The following DNAH14 variants were observed in gnomAD, a reference collection of about 807,000 sequenced individuals.
The protein encoded by DNAH14 is axonemal beta dynein heavy chain 14.
In DNAH14, 478 loss-of-function variants were observed where a neutral mutation model predicts 520.9. The ratio of observed to expected loss-of-function variants is 0.92; its 90% CI spans 0.85 to 0.99. The LOEUF (loss-of-function observed/expected upper bound fraction) is 0.99. Ranked by LOEUF, DNAH14 falls within the 50% of genes least tolerant of loss-of-function variation. The pLI, the probability that DNAH14 is intolerant of heterozygous loss-of-function variation, is 0.00. For missense variants in DNAH14, 4,831 were observed against 5,234.5 expected (o/e 0.92, Z 2.38); for synonymous variants, 1,581 against 1,757.2 (o/e 0.90, Z 2.51).
intron 4 of DNAH14, among the ~76,000 whole-genome samples, chr1:224,963,893 G>A (rs1343849634): frequency 6.6e-6 from 1 of 152,138 alleles, no homozygotes; most frequent in Non-Finnish European, 1.5e-5. Context: ...TAGAGGGCCA[G>A]AAATATAACT....
At chr1:225,005,069 A>G (rs1489818252) in intron 9 of DNAH14, among the ~76,000 whole-genome samples, 1 of 152,182 alleles carries the variant, frequency 6.6e-6, no homozygotes, top group Non-Finnish European at 1.5e-5. Context: ...GATTTCTCCC[A>G]GCTAGATTCT....
At chr1:225,382,559 A>AT (rs1376688372) in intron 81 of DNAH14, among the ~76,000 whole-genome samples, 1 of 151,906 alleles carries the variant, frequency 6.6e-6, no homozygotes, top group Admixed American at 6.5e-5. Context: ...TAATAATAAT[A>AT]ATAAAATGGC....
chr1:225,325,140 C>T lies in DNAH14; in HGVS notation c.9723+308C>T, dbSNP rs558849343. ...AACTTCAGTTTACCAAAGCCTTAAA[C>T]AGTATCAATCTGTGCTCTTTTTTTT... On this transcript the variant is annotated intron_variant, in intron 64 of 85. Coordinates refer to ENST00000682510, the MANE Select transcript of DNAH14 (RefSeq NM_001367479.1). Among the ~76,000 whole-genome samples, 3 of 150,408 alleles carry T rather than the reference C, an allele frequency of 2.0e-5. No individual in the cohort carries two copies. The Admixed American group carries it at 2.0e-4, about 10-fold the overall frequency.
At chr1:225,365,803 A>G (rs1020623093) in intron 76 of DNAH14, among the ~76,000 whole-genome samples, 2 of 152,014 alleles carry the variant, frequency 1.3e-5, no homozygotes, top group Non-Finnish European at 2.9e-5. Context: ...GGGGTAGGGG[A>G]ATGAAGGGTG....
intron 10 of DNAH14, among the ~76,000 whole-genome samples, chr1:225,008,227 A>C (rs2064350736): frequency 1.3e-5 from 2 of 152,096 alleles, no homozygotes. Context: ...TTCCAGCTTC[A>C]TCGGCATCCC....
chr1:224,938,133 G>A (rs978657545), intron 1 of DNAH14, among the ~76,000 whole-genome samples: 1 of 152,050 alleles, frequency 6.6e-6, no homozygotes, highest in Non-Finnish European at 1.5e-5. Flanking sequence ...CCAGGTATTT[G>A]GCAAAGATTT....
intron 41 of DNAH14, among the ~76,000 whole-genome samples, chr1:225,214,592 A>T (rs1057414908): frequency 6.6e-6 from 1 of 152,042 alleles, no homozygotes; most frequent in East Asian, 1.9e-4. Flanking sequence ...AGAGTCTGTT[A>T]TTGATGTATT....
intron 23 of DNAH14, among the ~76,000 whole-genome samples, chr1:225,101,273 AT>A (rs1272239269): frequency 6.6e-6 from 1 of 151,996 alleles, no homozygotes; most frequent in Admixed American, 6.6e-5. Context: ...GGTACATGAT[AT>A]ATTTTAAAGC....
chr1:225,331,352 CTATATT>C (rs2094793655), intron 64 of DNAH14, 79 bp from the exon 65 acceptor site: 7 of 1,337,732 alleles, frequency 5.2e-6, no homozygotes, highest in Non-Finnish European at 7.1e-6. Flanking sequence ...AATGGTAACA[CTATATT>C]TATATAAATG....
chr1:225,340,556 A>G lies in DNAH14; in HGVS notation c.10533A>G (p.Gln3511=). Residue 3511 remains glutamine, a synonymous_variant, in exon 69 of 86, where the codon CAA becomes CAG. Transcript: ENST00000682510. The part of the protein sequence containing the change: ...INFTVTFQGL[Q]DQLLSTVVTH... ...TCACTGTAACATTCCAAGGTTTGCA[A>G]GATCAACTCTTGTCTACTGTGGTAA... 1 of 1,551,470 alleles carries G rather than the reference A, an allele frequency of 6.4e-7. No homozygotes were observed. The highest frequency in any genetic ancestry group is 8.7e-7 in the Non-Finnish European group (1 of 1,146,874).
rs1013783524 is a variant in DNAH14 at position 225,232,078 on chromosome 1, A to G, written c.6518+927A>G. Among the ~76,000 whole-genome samples, 1 of 152,100 alleles carries G rather than the reference A, an allele frequency of 6.6e-6. No homozygotes were observed. Among genetic ancestry groups the G allele is most frequent in the African/African-American group, 2.4e-5 (1 of 41,436 alleles). ...TACTATTCTGGATTTTGTACTTATT[A>G]ATATGTTTCAAAATAATATTTTTTA... On this transcript the variant is annotated intron_variant, in intron 42 of 85. Transcript: ENST00000682510. This position sits in a 1 kb window ranked among gnomAD's most constrained non-coding sequence, Gnocchi z 4.2.
rs1558428584 is a variant in DNAH14, at chr1:225,335,395, A to ACATGTGTGTGTATGCGCATATACACG, written c.10081-1871_10081-1870insCATGTGTGTGTATGCGCATATACACG. Among the ~76,000 whole-genome samples, 137 of 66,780 alleles carry ACATGTGTGTGTATGCGCATATACACG rather than the reference A, an allele frequency of 2.1e-3. 28 individuals carry two copies. Among genetic ancestry groups the ACATGTGTGTGTATGCGCATATACACG allele is most frequent in the African/African-American group, 9.1e-3 (119 of 13,090 alleles). 43.8% of individuals were successfully genotyped at this position (66,780 alleles called of 152,430 possible). On this transcript the variant is annotated intron_variant, in intron 66 of 85. Transcript: ENST00000682510. ...TGTGTGTGTATATGCACATATACAC[A>ACATGTGTGTGTATGCGCATATACACG]TGTGTACATGTGTGTGTATGCACAT...
intron 11 of DNAH14, among the ~76,000 whole-genome samples, chr1:225,027,181 C>A (rs1256819164): frequency 1.3e-5 from 2 of 152,050 alleles, no homozygotes; most frequent in Non-Finnish European, 2.9e-5. Context: ...TTTCTTTATG[C>A]AAAATCATGT....
At chr1:225,126,958 G>A (rs1399610855) in intron 27 of DNAH14, among the ~76,000 whole-genome samples, 14 of 151,006 alleles carry the variant, frequency 9.3e-5, no homozygotes, top group East Asian at 2.0e-4. Flanking sequence ...CCTTCATTTC[G>A]TTATGTACCC....
At chr1:225,211,456 G>T (rs185191292) in intron 41 of DNAH14, among the ~76,000 whole-genome samples, 2 of 152,130 alleles carry the variant, frequency 1.3e-5, no homozygotes, top group Admixed American at 1.3e-4. Flanking sequence ...AGAGAAAAAA[G>T]AATGAAAAGG....
rs1230692750 is a variant in DNAH14 at position 225,335,689 on chromosome 1, A to G, written c.10081-1577A>G. Reference sequence around the variant, plus strand: ...TATGTGCATATATGTATATACGCATATATACATATGTGCATATATGTATAT... The same window carrying G: ...TATGTGCATATATGTATATACGCATGTATACATATGTGCATATATGTATAT... On this transcript the variant is annotated intron_variant, in intron 66 of 85. Coordinates refer to ENST00000682510, the MANE Select transcript of DNAH14 (RefSeq NM_001367479.1). Among the ~76,000 whole-genome samples, 5 of 92,486 alleles carry G rather than the reference A, an allele frequency of 5.4e-5. 1 individual carries two copies. The highest frequency in any genetic ancestry group is 1.1e-4 in the Non-Finnish European group (5 of 44,426). 60.7% of individuals were successfully genotyped at this position (92,486 alleles called of 152,430 possible). A position where few individuals can be genotyped will look rare whatever the true frequency, so the allele number is the denominator to read the frequency against.
chr1:225,090,306 A>G (rs550412939), intron 21 of DNAH14, among the ~76,000 whole-genome samples: 62 of 152,288 alleles, frequency 4.1e-4, no homozygotes, highest in African/African-American at 1.4e-3. Flanking sequence ...AAAGATGTCA[A>G]ATATCACCAA....
chr1:225,058,709 G>T (rs537677550), intron 17 of DNAH14, among the ~76,000 whole-genome samples: 10 of 151,848 alleles, frequency 6.6e-5, no homozygotes, highest in African/African-American at 2.2e-4. Flanking sequence ...TGAATGTTTC[G>T]CAGAGATTCT....
intron 7 of DNAH14, chr1:224,969,647 C>A: frequency 3.7e-6 from 1 of 270,416 alleles, no homozygotes; most frequent in Non-Finnish European, 6.7e-6. Context: ...GTCAGGGACC[C>A]CGAACGGAGG....
Sources: allele counts gnomAD v4.1 joint callset (sites outside exome capture counted in the v4.1 genomes callset), GRCh38; gene constraint gnomAD v4.1.1; non-coding constraint Gnocchi (gnomAD v3.1); transcripts MANE v1.5; gene names NCBI Gene and HGNC (gene_info 2026-07-23, HGNC 2026-07-21).